Variants in GLB1L2 observed in about 807,000 individuals in gnomAD.
The protein encoded by GLB1L2 is beta-galactosidase-1-like protein 2.
A neutral mutation model predicts 84.1 loss-of-function variants in GLB1L2; 68 were observed. The observed-to-expected ratio is 0.81, with a 90% CI of 0.67 to 0.99. GLB1L2 has a LOEUF of 0.99. GLB1L2 is among the 50% of genes least tolerant of loss of function. The probability of loss-of-function intolerance (pLI) is 0.00; values close to 1 mark genes in which losing one functional copy is unlikely to be tolerated. For missense variants in GLB1L2, 762 were observed against 805.6 expected (o/e 0.95, Z 0.66); for synonymous variants, 290 against 318.0 (o/e 0.91, Z 0.94).
At chr11:134,367,924 T>C (rs1041718844) in intron 9 of GLB1L2, among the ~76,000 whole-genome samples, 1 of 152,114 alleles carries the variant, frequency 6.6e-6, no homozygotes, top group African/African-American at 2.4e-5. Context: ...AGCATCCCGG[T>C]GAGCATCCCG....
chr11:134,371,592 A>T (rs1341127775), intron 14 of GLB1L2, 100 bp downstream of exon 14: 2 of 1,013,152 alleles, frequency 2.0e-6, no homozygotes, highest in Non-Finnish European at 3.1e-6. Flanking sequence ...GTGGCTCCTT[A>T]CCCACAAGCT....
At chr11:134,350,346 C>T (rs979186445) in intron 5 of GLB1L2, among the ~76,000 whole-genome samples, 2 of 152,202 alleles carry the variant, frequency 1.3e-5, no homozygotes, top group African/African-American at 2.4e-5. Context: ...CCAAATGCTC[C>T]GTCTACGTGG....
rs770259300 is a variant in GLB1L2, at chr11:134,370,351, G to A, written c.1167G>A (p.Thr389=). 8 of 1,613,772 alleles carry A rather than the reference G, an allele frequency of 5.0e-6. No individual in the cohort carries two copies. The South Asian group carries it at 6.6e-5, about 13-fold the overall frequency. ...CCAAGATGCCGTATGAGCCCTTAAC[G>A]CCAGTCTTGTACCTGTCTCTGTGGG... is the stretch of plus-strand genomic sequence containing the variant. The part of the protein sequence containing the change: ...LLPKMPYEPL[T]PVLYLSLWDA... Residue 389 remains threonine (T), a synonymous_variant, in exon 12 of 19, where the codon ACG becomes ACA. Coordinates refer to ENST00000535456, the MANE Select transcript of GLB1L2 (RefSeq NM_001370461.1). This position sits in a 1 kb window ranked among gnomAD's most constrained non-coding sequence, Gnocchi z 4.7.
chr11:134,360,427 C>T (rs1273021812), intron 7 of GLB1L2: 2 of 152,352 alleles, frequency 1.3e-5, no homozygotes, highest in African/African-American at 4.8e-5. Context: ...CCACGGCTTC[C>T]ACGCGGTGGC....
chr11:134,364,507 G>A, intron 8 of GLB1L2, 109 bp downstream of exon 8: 2 of 901,380 alleles, frequency 2.2e-6, no homozygotes, highest in Non-Finnish European at 3.5e-6. Flanking sequence ...CTGGACTCAG[G>A]GCTGATGGCC....
Position 134,374,596 on chromosome 11 carries a change from T to G in GLB1L2, c.1708-6T>G, listed in dbSNP as rs200143727. The G allele has an allele frequency of 1.2e-3, 1,856 of 1,609,528 alleles. 4 individuals are homozygous for G. The highest frequency in any genetic ancestry group is 1.8e-3 in the Admixed American group (106 of 60,004). On this transcript the variant is annotated splice_polypyrimidine_tract_variant and splice_region_variant and intron_variant, in intron 17 of 18. Transcript: ENST00000535456. ...GTAGATGAACACCCTTCCCCTCTGT[T>G]TCAAGGGCTGGGAGAAGGGGGTTGT... is the stretch of plus-strand genomic sequence containing the variant.
At chr11:134,369,343 C>A (rs543270567) in intron 10 of GLB1L2, among the ~76,000 whole-genome samples, 4 of 152,338 alleles carry the variant, frequency 2.6e-5, no homozygotes, top group African/African-American at 9.6e-5. Context: ...CAGGTGTGCA[C>A]CCCCACCTCT....
intron 15 of GLB1L2, 65 bp from the exon 16 acceptor site, chr11:134,373,656 G>A (rs1204978821): frequency 9.5e-7 from 1 of 1,051,488 alleles, no homozygotes; most frequent in East Asian, 2.4e-5. Context: ...TCCCCTCGTG[G>A]CCCCGGCCCA....
intron 3 of GLB1L2, 127 bp downstream of exon 3, chr11:134,344,582 G>C (rs1943518363): frequency 9.1e-7 from 1 of 1,096,784 alleles, no homozygotes; most frequent in Admixed American, 1.7e-5. Context: ...AGGACTGTGA[G>C]AGGCCCTGCA....
intron 4 of GLB1L2, 73 bp from the exon 5 acceptor site, chr11:134,347,252 C>A: frequency 9.2e-7 from 1 of 1,087,296 alleles, no homozygotes; most frequent in Non-Finnish European, 1.4e-6. Context: ...TCCCTTCTCA[C>A]GCATCAACAG....
At chr11:134,367,729 A>G (rs1333406460) in intron 9 of GLB1L2, among the ~76,000 whole-genome samples, 1 of 152,180 alleles carries the variant, frequency 6.6e-6, no homozygotes, top group East Asian at 1.9e-4. Context: ...AGATGCCATC[A>G]CACTCCGCTG....
rs1311382347 is a variant in GLB1L2, at chr11:134,371,159, C to T, written c.1356+11C>T. 6.2e-7 allele frequency: 1 copy of T among 1,613,992 alleles called. No individual in the cohort carries two copies. The highest frequency in any genetic ancestry group is 8.5e-7 in the Non-Finnish European group (1 of 1,179,932). On this transcript the variant is annotated intron_variant, in intron 13 of 18. Transcript: ENST00000535456. ...CATGATCGGGGGCAGGTAGGAGCTT[C>T]TCTTCTAAATTCCTGTGACCTTCTG...
At chr11:134,368,333 C>A (rs1943892663) in intron 9 of GLB1L2, among the ~76,000 whole-genome samples, 1 of 152,208 alleles carries the variant, frequency 6.6e-6, no homozygotes. Flanking sequence ...GGCAGACTCA[C>A]ATGGAGACTG....
intron 6 of GLB1L2, 45 bp downstream of exon 6, chr11:134,356,438 G>A: frequency 7.3e-7 from 1 of 1,377,978 alleles, no homozygotes; most frequent in Non-Finnish European, 1.0e-6. Flanking sequence ...TTCCTCTGGA[G>A]TGTGCTATAG....
At chr11:134,358,910 CAGG>C in intron 6 of GLB1L2, 147 bp from the exon 7 acceptor site, 3 of 563,782 alleles carry the variant, frequency 5.3e-6, no homozygotes, top group Non-Finnish European at 9.4e-6. Flanking sequence ...GTGCAGATGG[CAGG>C]AGACTTTTCT....
At chr11:134,349,394 G>A (rs756131379) in intron 5 of GLB1L2, among the ~76,000 whole-genome samples, 10 of 152,204 alleles carry the variant, frequency 6.6e-5, no homozygotes, top group Non-Finnish European at 1.2e-4. Context: ...TAAAGCTGCT[G>A]TGAGCATGGG....
intron 1 of GLB1L2, among the ~76,000 whole-genome samples, chr11:134,336,503 C>T (rs1943390417): frequency 6.6e-6 from 1 of 152,198 alleles, no homozygotes; most frequent in African/African-American, 2.4e-5. Context: ...CGATTGTTTG[C>T]AATCTTTTAG....
Position 134,355,306 on chromosome 11 carries a change from T to A in GLB1L2, c.559-995T>A, listed in dbSNP as rs576093063. ...CTGTTATAGATCTTGCTCTACTGAG[T>A]CTGGTGTGTGTGTTTCTTCAGATAC... On this transcript the variant is annotated intron_variant, in intron 5 of 18. Coordinates refer to ENST00000535456, the MANE Select transcript of GLB1L2 (RefSeq NM_001370461.1). Among the ~76,000 whole-genome samples, 5 of 152,304 alleles carry A rather than the reference T, an allele frequency of 3.3e-5. No homozygotes were observed. The East Asian group carries it at 9.7e-4, about 29-fold the overall frequency.
intron 8 of GLB1L2, among the ~76,000 whole-genome samples, chr11:134,366,342 C>T (rs576616412): frequency 8.5e-5 from 13 of 152,312 alleles, no homozygotes; most frequent in African/African-American, 2.2e-4. Context: ...GGCTTTAACC[C>T]GGGTATGGCT....
Sources: allele counts gnomAD v4.1 joint callset (sites outside exome capture counted in the v4.1 genomes callset), GRCh38; gene constraint gnomAD v4.1.1; non-coding constraint Gnocchi (gnomAD v3.1); transcripts MANE v1.5; gene names NCBI Gene and HGNC (gene_info 2026-07-23, HGNC 2026-07-21).